Variants in SLC44A5 observed in about 807,000 individuals in gnomAD.
SLC44A5 encodes solute carrier family 44 member 5, also known as choline transporter-like protein 5.
In SLC44A5, 57 loss-of-function variants were observed where a neutral mutation model predicts 101.8. The ratio of observed to expected loss-of-function variants is 0.56; its 90% confidence interval spans 0.45 to 0.70. SLC44A5 has a LOEUF of 0.70. Among genes scored for constraint, SLC44A5 ranks in the 30% least tolerant of loss-of-function variants. The pLI is 0.00. For missense variants in SLC44A5, 737 were observed against 853.1 expected, an observed-to-expected ratio of 0.86 and a Z score of 1.70; for synonymous variants, 281 against 290.9, an observed-to-expected ratio of 0.97 and a Z score of 0.35.
intron 2 of SLC44A5, among the ~76,000 whole-genome samples, chr1:75,438,409 T>G (rs1437727304): frequency 1.3e-5 from 2 of 152,086 alleles, no homozygotes; most frequent in African/African-American, 4.8e-5. Context: ...AAAGAACTGC[T>G]GGGTTTGCAG....
chr1:75,699,114 C>T, the SLC44A5 span, among the ~76,000 whole-genome samples: 1 of 152,086 alleles, frequency 6.6e-6, no homozygotes, highest in Non-Finnish European at 1.5e-5. Context: ...CCCAATCTAG[C>T]AAGGCAGGCC....
intron 2 of SLC44A5, among the ~76,000 whole-genome samples, chr1:75,496,883 G>C (rs1380642746): frequency 6.6e-6 from 1 of 151,920 alleles, no homozygotes; most frequent in Admixed American, 6.6e-5. Context: ...GTAAAAAGAT[G>C]GTTAATATCA....
At chr1:75,267,275 A>C (rs1000306523) in intron 6 of SLC44A5, among the ~76,000 whole-genome samples, 2 of 152,210 alleles carry the variant, frequency 1.3e-5, no homozygotes, top group African/African-American at 2.4e-5. Context: ...TGCTAGAGGT[A>C]AAGTCAGAAT....
At chr1:75,635,846 G>A in the SLC44A5 span, among the ~76,000 whole-genome samples, 3 of 151,630 alleles carry the variant, frequency 2.0e-5, no homozygotes, top group Non-Finnish European at 4.4e-5. Flanking sequence ...TTTACACTCA[G>A]TCCAAATCTT....
intron 6 of SLC44A5, among the ~76,000 whole-genome samples, chr1:75,254,043 C>T (rs1649802716): frequency 6.8e-6 from 1 of 146,748 alleles, no homozygotes; most frequent in African/African-American, 2.5e-5. Context: ...GGGACCACAA[C>T]TTTTTTTTTT....
chr1:75,272,584 T>C (rs1036394497), intron 6 of SLC44A5, among the ~76,000 whole-genome samples: 4 of 152,064 alleles, frequency 2.6e-5, no homozygotes, highest in Admixed American at 2.0e-4. Context: ...GAGATGAGGA[T>C]CCAGTTTCAT....
chr1:75,256,035 G>T (rs546983381), intron 6 of SLC44A5, among the ~76,000 whole-genome samples: 18 of 152,002 alleles, frequency 1.2e-4, no homozygotes, highest in Non-Finnish European at 2.5e-4. Flanking sequence ...CATGAAAACA[G>T]GTGGGTCAAC....
At chr1:75,384,886 A>C (rs1661190442) in intron 3 of SLC44A5, among the ~76,000 whole-genome samples, 1 of 151,326 alleles carries the variant, frequency 6.6e-6, no homozygotes, top group African/African-American at 2.4e-5. Flanking sequence ...TCAAACTAGA[A>C]CTCAGGATTA....
chr1:75,384,809 A>G (rs1661184131), intron 3 of SLC44A5, among the ~76,000 whole-genome samples: 1 of 148,914 alleles, frequency 6.7e-6, no homozygotes, highest in South Asian at 2.2e-4. Flanking sequence ...ACTTGGAAGT[A>G]AAGCTCTCCT....
the SLC44A5 span, among the ~76,000 whole-genome samples, chr1:75,717,050 A>T: frequency 2.1e-3 from 327 of 152,132 alleles, no homozygotes; most frequent in African/African-American, 7.6e-3. Flanking sequence ...AAAATAAAAT[A>T]AAAAAATAAA....
rs1193634463 is a variant in SLC44A5 at position 75,558,875 on chromosome 1, T to C, written c.-69-17359A>G. Reference sequence around the variant, plus strand: ...AAAATAACTTATTATAATTATTAAATAAAAGTCATAAGCTTACTGATGAGA... The same window carrying C: ...AAAATAACTTATTATAATTATTAAACAAAAGTCATAAGCTTACTGATGAGA... On this transcript the variant is annotated intron_variant, in intron 1 of 23. Transcript: ENST00000370859. Among the ~76,000 whole-genome samples the C allele has an allele frequency of 2.0e-5, 3 of 152,162 alleles. No homozygotes were observed. The East Asian group carries it at 5.8e-4, about 29-fold the overall frequency.
intron 3 of SLC44A5, among the ~76,000 whole-genome samples, chr1:75,364,544 AAATTAT>A (rs1183320083): frequency 1.3e-5 from 2 of 152,154 alleles, no homozygotes; most frequent in Non-Finnish European, 2.9e-5. Flanking sequence ...CCAACATTGG[AAATTAT>A]AATTAAAACA....
chr1:75,422,607 AT>A (rs1664075593), intron 2 of SLC44A5, among the ~76,000 whole-genome samples: 1 of 152,250 alleles, frequency 6.6e-6, no homozygotes, highest in Non-Finnish European at 1.5e-5. Flanking sequence ...ACATATTTAT[AT>A]TACCAATAGA....
intron 1 of SLC44A5, among the ~76,000 whole-genome samples, chr1:75,561,205 A>G (rs1672500096): frequency 6.6e-6 from 1 of 152,206 alleles, no homozygotes; most frequent in African/African-American, 2.4e-5. Context: ...AAGTGGAGAA[A>G]TCAATTATGT....
At chr1:75,707,564 G>A in the SLC44A5 span, among the ~76,000 whole-genome samples, 1 of 152,134 alleles carries the variant, frequency 6.6e-6, no homozygotes, top group African/African-American at 2.4e-5. Flanking sequence ...AGAACCTTCT[G>A]ACCTTTGAGA....
chr1:75,519,395 TA>T (rs984088123), intron 2 of SLC44A5, among the ~76,000 whole-genome samples: 1 of 151,996 alleles, frequency 6.6e-6, no homozygotes, highest in African/African-American at 2.4e-5. Context: ...TCGTCTCTGC[TA>T]AAAATGCAAA....
intron 3 of SLC44A5, among the ~76,000 whole-genome samples, chr1:75,366,122 A>G (rs887648301): frequency 5.9e-5 from 9 of 152,164 alleles, no homozygotes; most frequent in African/African-American, 2.2e-4. Flanking sequence ...TGCCTTTACC[A>G]GTTAGTTTTA....
the SLC44A5 span, among the ~76,000 whole-genome samples, chr1:75,621,608 C>A: frequency 6.6e-6 from 1 of 152,024 alleles, no homozygotes; most frequent in Admixed American, 6.6e-5. Flanking sequence ...AAATTAACTA[C>A]CGTAGTTTAG....
chr1:75,284,817 A>G (rs1198298382), intron 5 of SLC44A5, among the ~76,000 whole-genome samples: 1 of 151,994 alleles, frequency 6.6e-6, no homozygotes, highest in African/African-American at 2.4e-5. Context: ...ACATTTATTG[A>G]CTTGCATATG....
Sources: allele counts gnomAD v4.1 joint callset (sites outside exome capture counted in the v4.1 genomes callset), GRCh38; gene constraint gnomAD v4.1.1; transcripts MANE v1.5; gene names NCBI Gene and HGNC (gene_info 2026-07-23, HGNC 2026-07-21).